The following PTPRT variants were observed in gnomAD, a reference collection of about 807,000 sequenced individuals.
PTPRT encodes receptor-type tyrosine-protein phosphatase T.
Under a neutral mutation model 176.8 loss-of-function variants are expected in PTPRT, and 56 were observed. The observed-to-expected ratio is 0.32, with a 90% CI of 0.26 to 0.40. The LOEUF (loss-of-function observed/expected upper bound fraction) is 0.40, where lower values mean the gene tolerates loss of function less well. Ranked by LOEUF, PTPRT falls within the 10% of genes least tolerant of loss-of-function variation. PTPRT has a pLI of 1.00. For missense variants in PTPRT, 1,540 were observed against 1,908.2 expected (o/e 0.81, Z 3.60); for synonymous variants, 783 against 739.0 (o/e 1.06, Z -0.96).
intron 4 of PTPRT, among the ~76,000 whole-genome samples, chr20:42,776,695 T>G (rs1379109920): frequency 1.3e-5 from 2 of 150,322 alleles, no homozygotes; most frequent in Admixed American, 1.3e-4. Context: ...AATTATATAA[T>G]CATATCATAT....
intron 16 of PTPRT, among the ~76,000 whole-genome samples, chr20:42,183,132 G>A (rs954149193): frequency 2.0e-5 from 3 of 152,018 alleles, no homozygotes; most frequent in Non-Finnish European, 4.4e-5. Context: ...ATCTATGTTA[G>A]CTCCTTGCAG....
intron 1 of PTPRT, among the ~76,000 whole-genome samples, chr20:43,096,702 T>A (rs1376626479): frequency 6.6e-6 from 1 of 151,720 alleles, no homozygotes; most frequent in Non-Finnish European, 1.5e-5. Context: ...ATCCCTCACC[T>A]CCCCCATCCC....
intron 1 of PTPRT, among the ~76,000 whole-genome samples, chr20:42,998,818 C>T (rs1419363109): frequency 6.6e-6 from 1 of 152,126 alleles, no homozygotes; most frequent in East Asian, 1.9e-4. Context: ...AGTGACTTGC[C>T]CACTGTCATA....
chr20:42,282,606 T>C (rs1600776885), intron 12 of PTPRT, 81 bp from the exon 13 acceptor site: 2 of 1,075,440 alleles, frequency 1.9e-6, no homozygotes, highest in African/African-American at 3.3e-5. Flanking sequence ...AATACATATA[T>C]ATTTGCATAT....
At chr20:42,773,282 A>G (rs924675375) in intron 4 of PTPRT, among the ~76,000 whole-genome samples, 2 of 152,218 alleles carry the variant, frequency 1.3e-5, no homozygotes, top group Non-Finnish European at 2.9e-5. Context: ...TGGAACAATT[A>G]GGCAGACTTG....
intron 7 of PTPRT, among the ~76,000 whole-genome samples, chr20:42,578,803 T>A (rs1033493908): frequency 5.6e-4 from 85 of 152,176 alleles, no homozygotes; most frequent in Admixed American, 5.4e-3. Context: ...GCAACTCATC[T>A]TACTCTCTGT....
intron 2 of PTPRT, among the ~76,000 whole-genome samples, chr20:42,827,725 T>C (rs2078019650): frequency 1.3e-5 from 2 of 152,160 alleles, no homozygotes; most frequent in African/African-American, 4.8e-5. Context: ...GCCATTCTCA[T>C]AATAGTGTGT....
intron 10 of PTPRT, 35 bp from the exon 11 acceptor site, chr20:42,350,765 C>A: frequency 1.3e-6 from 2 of 1,492,972 alleles, no homozygotes; most frequent in Non-Finnish European, 1.9e-6. Flanking sequence ...GTGAGTTCAG[C>A]ACAGATTCCC....
chr20:43,051,447 T>C (rs1206411196), intron 1 of PTPRT, among the ~76,000 whole-genome samples: 1 of 152,128 alleles, frequency 6.6e-6, no homozygotes. Context: ...TACAGAATAT[T>C]TGTAGAAACT....
intron 7 of PTPRT, among the ~76,000 whole-genome samples, chr20:42,524,389 C>T (rs2072231842): frequency 1.3e-5 from 2 of 152,118 alleles, no homozygotes; most frequent in Admixed American, 1.3e-4. Context: ...CTTTCTCTTA[C>T]CCATACTATC....
intron 15 of PTPRT, among the ~76,000 whole-genome samples, chr20:42,225,945 A>G (rs6030062): frequency 0.097 from 14,832 of 152,178 alleles, 2,416 homozygotes; most frequent in African/African-American, 0.34. Context: ...GAGCCACCGC[A>G]CCAGGCCAAA....
intron 6 of PTPRT, among the ~76,000 whole-genome samples, chr20:42,739,882 T>A (rs1361597361): frequency 1.3e-5 from 2 of 152,194 alleles, no homozygotes; most frequent in East Asian, 3.9e-4. Flanking sequence ...GAGCCCCACC[T>A]ATGCATGTCC....
intron 9 of PTPRT, among the ~76,000 whole-genome samples, chr20:42,444,913 T>C (rs899970457): frequency 1.3e-5 from 2 of 152,232 alleles, no homozygotes; most frequent in African/African-American, 4.8e-5. Context: ...TGGATTGGGT[T>C]GAGCCCAGAG....
chr20:42,260,287 C>A (rs892023891), intron 13 of PTPRT, among the ~76,000 whole-genome samples: 4 of 152,230 alleles, frequency 2.6e-5, no homozygotes, highest in Non-Finnish European at 5.9e-5. Flanking sequence ...GCCAGACTGT[C>A]CTGCTGATGC....
intron 8 of PTPRT, among the ~76,000 whole-genome samples, chr20:42,460,904 T>C (rs924120308): frequency 6.6e-6 from 1 of 152,194 alleles, no homozygotes; most frequent in Admixed American, 6.5e-5. Context: ...ATACACGCTG[T>C]TTAAAAGGAA....
At chr20:42,350,513 A>C in intron 11 of PTPRT, 115 bp downstream of exon 11, 3 of 876,802 alleles carry the variant, frequency 3.4e-6, no homozygotes, top group Non-Finnish European at 5.6e-6. Context: ...CCTCCGAGGA[A>C]GCTTTGTTCC....
intron 1 of PTPRT, among the ~76,000 whole-genome samples, chr20:43,034,822 G>A (rs1465887633): frequency 2.0e-5 from 3 of 151,992 alleles, no homozygotes; most frequent in African/African-American, 7.2e-5. Flanking sequence ...CTCCGGAACC[G>A]GGTTTTGTCT....
intron 7 of PTPRT, among the ~76,000 whole-genome samples, chr20:42,652,750 G>A (rs2075055355): frequency 6.6e-6 from 1 of 152,094 alleles, no homozygotes; most frequent in Non-Finnish European, 1.5e-5. Context: ...CCCCATCTTT[G>A]TGTCACATCA....
chr20:42,247,031 T>C (rs1334493493), intron 14 of PTPRT, among the ~76,000 whole-genome samples: 1 of 152,234 alleles, frequency 6.6e-6, no homozygotes. Flanking sequence ...TTATCAGTGA[T>C]GATGGTGATA....
Sources: allele counts gnomAD v4.1 joint callset (sites outside exome capture counted in the v4.1 genomes callset), GRCh38; gene constraint gnomAD v4.1.1; transcripts MANE v1.5; gene names NCBI Gene and HGNC (gene_info 2026-07-23, HGNC 2026-07-21).